The following CYRIB variants were observed in gnomAD, a reference collection of about 807,000 sequenced individuals.
CYRIB encodes the protein CYFIP related Rac1 interactor B, also known as CYFIP-related Rac1 interactor B.
Under a neutral mutation model 44.2 loss-of-function variants are expected in CYRIB, and 8 were observed. The observed-to-expected ratio is 0.18, with a 90% CI of 0.11 to 0.33. The LOEUF is 0.33. CYRIB is among the 10% of genes least tolerant of loss of function. The pLI is 1.00. For synonymous variants in CYRIB, 131 were observed against 127.2 expected (o/e 1.03, Z -0.20); for missense variants, 185 against 382.8 (o/e 0.48, Z 4.31).
intron 1 of CYRIB, among the ~76,000 whole-genome samples, chr8:129,974,973 G>A (rs1225677984): frequency 6.6e-6 from 1 of 151,276 alleles, no homozygotes; most frequent in African/African-American, 2.4e-5. Context: ...TCTGCCTCCC[G>A]GGTTCAAGAG....
chr8:129,894,945 T>A (rs1588961464), intron 2 of CYRIB, among the ~76,000 whole-genome samples: 1 of 149,852 alleles, frequency 6.7e-6, no homozygotes, highest in Non-Finnish European at 1.5e-5. Flanking sequence ...TTAATTAATT[T>A]ATTTTTTTGA....
intron 1 of CYRIB, among the ~76,000 whole-genome samples, chr8:129,980,608 G>A (rs2096189865): frequency 6.6e-6 from 1 of 151,826 alleles, no homozygotes; most frequent in Non-Finnish European, 1.5e-5. Context: ...AGGTTGCAGT[G>A]AGCCAAGATT....
chr8:129,849,498 G>A lies in CYRIB; in HGVS notation c.714-129C>T, dbSNP rs572961439. 5.3e-5 allele frequency: 45 copies of A among 850,914 alleles called. No individual in the cohort carries two copies. In the East Asian group the frequency reaches 1.2e-3, roughly 23 times the overall value. The allele number at this position is 850,914 out of a possible 1,614,324, so 52.7% of individuals were successfully genotyped here. On this transcript the variant is annotated intron_variant, in intron 9 of 11. Transcript: ENST00000519824. ...TCTATCCATTAGTTGAATGCAGTAT[G>A]TTCACAAGTAGCCACACTGATACAT...
intron 1 of CYRIB, 22 bp downstream of exon 3, chr8:129,904,477 A>G (rs1323071654): frequency 3.9e-5 from 6 of 152,118 alleles, no homozygotes; most frequent in Non-Finnish European, 8.8e-5. Context: ...TGCTCACAGA[A>G]GTGAGCAGCT....
At chr8:129,886,584 T>C (rs1011426366) in intron 2 of CYRIB, among the ~76,000 whole-genome samples, 14 of 152,142 alleles carry the variant, frequency 9.2e-5, no homozygotes, top group Admixed American at 5.9e-4. Context: ...GTTTCTCTCC[T>C]TTCGTTCTCT....
chr8:129,907,513 A>T (rs2076022021), intron 1 of CYRIB, among the ~76,000 whole-genome samples: 1 of 152,206 alleles, frequency 6.6e-6, no homozygotes, highest in Non-Finnish European at 1.5e-5. Context: ...TAATGGGTGC[A>T]GCACACCAAC....
At chr8:129,929,715 A>T (rs1316220350) in intron 1 of CYRIB, among the ~76,000 whole-genome samples, 2 of 152,126 alleles carry the variant, frequency 1.3e-5, no homozygotes, top group Non-Finnish European at 2.9e-5. Context: ...TATATAAGTG[A>T]TTTTCACTTT....
intron 3 of CYRIB, among the ~76,000 whole-genome samples, chr8:129,872,730 C>T (rs990775846): frequency 3.3e-5 from 5 of 151,938 alleles, no homozygotes; most frequent in African/African-American, 9.7e-5. Flanking sequence ...GAAGTAAGAA[C>T]GTTTTTAATA....
chr8:129,871,281 G>C, intron 4 of CYRIB, 94 bp downstream of exon 6: 1 of 1,381,308 alleles, frequency 7.2e-7, no homozygotes, highest in East Asian at 2.5e-5. Context: ...TACTTAATAT[G>C]AAATATAGAA....
chr8:130,006,652 A>ACATATATGTG (rs1564800666), intron 1 of CYRIB, among the ~76,000 whole-genome samples: 3 of 110,002 alleles, frequency 2.7e-5, no homozygotes, highest in East Asian at 2.3e-4. Flanking sequence ...ATATATATAC[A>ACATATATGTG]TATATATATG....
At chr8:129,872,362 G>C (rs938003660) in intron 3 of CYRIB, among the ~76,000 whole-genome samples, 1 of 152,072 alleles carries the variant, frequency 6.6e-6, no homozygotes, top group African/African-American at 2.4e-5. Context: ...CAAACATATG[G>C]GCATTTTCAC....
intron 4 of CYRIB, among the ~76,000 whole-genome samples, chr8:129,864,251 A>T (rs925313255): frequency 2.6e-5 from 4 of 152,262 alleles, no homozygotes; most frequent in African/African-American, 4.8e-5. Flanking sequence ...CATTGAAGAA[A>T]ATCTGACATT....
intron 1 of CYRIB, among the ~76,000 whole-genome samples, chr8:129,998,185 T>C (rs1261195685): frequency 6.6e-6 from 1 of 150,756 alleles, no homozygotes. Flanking sequence ...CAGAGCACTG[T>C]CAGCTCATCG....
chr8:129,875,778 A>T (rs1341942290), intron 3 of CYRIB, among the ~76,000 whole-genome samples: 2 of 151,952 alleles, frequency 1.3e-5, no homozygotes, highest in East Asian at 3.9e-4. Context: ...AAACATTCTA[A>T]TTCACTCTCC....
At chr8:129,872,579 C>T (rs2057705457) in intron 3 of CYRIB, among the ~76,000 whole-genome samples, 1 of 152,002 alleles carries the variant, frequency 6.6e-6, no homozygotes, top group Admixed American at 6.5e-5. Context: ...AGGCCACATT[C>T]AGCACCACAG....
At chr8:129,998,870 G>GA (rs1361729817) in intron 1 of CYRIB, among the ~76,000 whole-genome samples, 1 of 152,080 alleles carries the variant, frequency 6.6e-6, no homozygotes, top group Non-Finnish European at 1.5e-5. Context: ...GACCTCAAGT[G>GA]AAATATATAA....
intron 1 of CYRIB, among the ~76,000 whole-genome samples, chr8:129,937,879 C>T (rs2093083287): frequency 1.3e-5 from 2 of 151,580 alleles, no homozygotes; most frequent in East Asian, 1.9e-4. Context: ...TGCAAATACA[C>T]ATTCTCTCTC....
chr8:129,982,809 T>C (rs2096288052), intron 1 of CYRIB, among the ~76,000 whole-genome samples: 1 of 152,176 alleles, frequency 6.6e-6, no homozygotes, highest in African/African-American at 2.4e-5. Flanking sequence ...TAAATTCTCA[T>C]TCTAAATTGT....
intron 11 of CYRIB, chr8:129,844,549 G>A (rs897266024): frequency 3.3e-5 from 5 of 151,906 alleles, no homozygotes; most frequent in Non-Finnish European, 5.9e-5. Flanking sequence ...TGAACTCCCA[G>A]CTCTCTTTTT....
Sources: gnomAD v4.1 joint callset for allele counts (sites outside exome capture counted in the v4.1 genomes callset) on GRCh38, gnomAD v4.1.1 for gene constraint, MANE v1.5 for transcripts, NCBI Gene and HGNC (gene_info 2026-07-23, HGNC 2026-07-21) for gene names.